The following FAHD2A variants were observed in gnomAD, a reference collection of about 807,000 sequenced individuals.
The protein encoded by FAHD2A is fumarylacetoacetate hydrolase domain containing 2A.
A neutral mutation model predicts 33.4 loss-of-function variants in FAHD2A; 27 were observed. The ratio of observed to expected loss-of-function variants is 0.81; its 90% CI spans 0.60 to 1.11. The LOEUF is 1.11. Ranked by LOEUF, FAHD2A falls within the 50% of genes most tolerant of loss-of-function variation. The pLI is 0.00. For synonymous variants in FAHD2A, 130 were observed against 153.3 expected (o/e 0.85, Z 1.12); for missense variants, 296 against 395.0 (o/e 0.75, Z 2.12).
At chr2:95,417,841 C>T (rs189989700), downstream of FAHD2A, among the ~76,000 whole-genome samples, 1 of 152,100 alleles carries the variant, frequency 6.6e-6, no homozygotes, top group African/African-American at 2.4e-5. Flanking sequence ...AGGGCTCCAT[C>T]CCCATGACCC....
rs1285230369 is a variant in FAHD2A at position 95,412,726 on chromosome 2, G to C, written c.844G>C (p.Gly282Arg). The change falls in exon 7 of 8, where the codon GGT becomes CGT. Residue 282 changes from glycine to arginine, a missense_variant. Physicochemically the swap from Gly to Arg is moderately radical, Grantham distance 125 (BLOSUM62 -2). Coordinates refer to ENST00000233379, the MANE Select transcript of FAHD2A (RefSeq NM_016044.3). ...GDVILTGTPP[G>R]VGVFRKPPVF... ...TGTCATCCTAACTGGGACCCCCCCA[G>C]GTGTCGGTGTATTCAGGAAACCTCC... 1 of 1,614,046 alleles carries C rather than the reference G, an allele frequency of 6.2e-7. No individual in the cohort carries two copies. The highest frequency in any genetic ancestry group is 8.5e-7 in the Non-Finnish European group (1 of 1,180,034).
rs893690974 is a variant in FAHD2A at position 95,413,519 on chromosome 2, G to A, written c.*562G>A. On this transcript the variant is annotated 3_prime_UTR_variant, in exon 8 of 8. Transcript: ENST00000233379. ...TGATTGTCCAGGCTGGCAAAAGTAG[G>A]GGACAGGTGGAGCCTGGGGCCTGCA... 6.2e-7 allele frequency: 1 copy of A among 1,606,508 alleles called. No homozygotes were observed. The highest frequency in any genetic ancestry group is 8.5e-7 in the Non-Finnish European group (1 of 1,177,326).
chr2:95,412,520 G>A lies in FAHD2A; in HGVS notation c.772G>A (p.Asp258Asn). Residue 258 changes from aspartate to asparagine, a missense_variant, in exon 6 of 8, where the codon GAC (aspartate) becomes AAC (asparagine). Coordinates refer to ENST00000233379, the MANE Select transcript of FAHD2A (RefSeq NM_016044.3). Reference sequence around the variant, plus strand: ...CAACCAGATGGTATTCAAGACAGAGGACCTGATAGCCTGGGTCTCCCAGTG... The same window carrying A: ...CAACCAGATGGTATTCAAGACAGAGAACCTGATAGCCTGGGTCTCCCAGTG... The part of the protein sequence containing the change: ...NTNQMVFKTE[D>N]LIAWVSQFVT... 1 of 1,613,950 alleles carries A rather than the reference G, an allele frequency of 6.2e-7. No individual in the cohort carries two copies.
rs761348041 is a variant in FAHD2A at position 95,407,196 on chromosome 2, C to T, written c.462+39C>T. ...CACTGCCCTCCCTAGTCACTGGGCC[C>T]ATCACAAGGGCATTCTGAGCTCAGT... On this transcript the variant is annotated intron_variant, in intron 3 of 7. Transcript: ENST00000233379. 2.5e-6 allele frequency: 4 copies of T among 1,610,690 alleles called. No homozygotes were observed. In the East Asian group the frequency reaches 8.9e-5, roughly 36 times the overall value.
downstream of FAHD2A, among the ~76,000 whole-genome samples, chr2:95,417,626 G>T: frequency 6.6e-6 from 1 of 152,042 alleles, no homozygotes; most frequent in Non-Finnish European, 1.5e-5. Flanking sequence ...TAGACTGGGT[G>T]GCTTAAACAA....
intron 1 of FAHD2A, 85 bp from the exon 2 acceptor site, chr2:95,405,468 T>A (rs1212665354): frequency 3.9e-6 from 6 of 1,526,460 alleles, no homozygotes; most frequent in African/African-American, 1.4e-5. Flanking sequence ...GCAAAGGGCC[T>A]CGGGCTATAG....
chr2:95,405,738 C>T lies in FAHD2A; in HGVS notation c.180C>T (p.Pro60=), dbSNP rs748028977. 3 of 1,613,800 alleles carry T rather than the reference C, an allele frequency of 1.9e-6. No individual in the cohort carries two copies. The highest frequency in any genetic ancestry group is 1.7e-5 in the Admixed American group (1 of 59,952). The change falls in exon 2 of 8, where the codon CCC becomes CCT. Residue 60 remains proline (P), a synonymous_variant. Transcript: ENST00000233379. The part of the protein sequence containing the change: ...GGVINLNAFD[P]TLPKTMTQFL... ...TTATCAACCTCAATGCCTTTGACCC[C>T]ACACTCCCGAAGACGATGACGCAGT...
intron 1 of FAHD2A, among the ~76,000 whole-genome samples, chr2:95,403,858 T>C (rs530131054): frequency 8.4e-4 from 128 of 152,372 alleles, no homozygotes; most frequent in African/African-American, 3.0e-3. Flanking sequence ...CACTTAATAG[T>C]TGGCATTCAG....
At position 95,410,586 on chromosome 2, in the gene FAHD2A, G is replaced by A; in HGVS notation, c.522G>A (p.Lys174=). Residue 174 remains lysine (K), a splice_region_variant and synonymous_variant, in exon 4 of 8, where the codon AAG becomes AAA. Coordinates refer to ENST00000233379, the MANE Select transcript of FAHD2A (RefSeq NM_016044.3). ...TTGGAAAGAAAGGCAAGCACATCAA[G>A]GTGAGGTGGAAAGGGTGGGCTCCCA... ...VVIGKKGKHI[K]ATDAMAHVAG... 1.2e-6 allele frequency: 2 copies of A among 1,613,348 alleles called. No homozygotes were observed. Among genetic ancestry groups the A allele is most frequent in the Non-Finnish European group, 1.7e-6 (2 of 1,179,702 alleles).
chr2:95,406,773 T>C (rs570080500), intron 2 of FAHD2A, among the ~76,000 whole-genome samples, 168 bp from the exon 3 acceptor site: 18 of 152,330 alleles, frequency 1.2e-4, no homozygotes, highest in Non-Finnish European at 2.5e-4. Flanking sequence ...CCTGCTCTGA[T>C]AGCAAAGGAC....
rs781354934 is a variant in FAHD2A at position 95,410,606 on chromosome 2, C to T, written c.522+20C>T. 5.6e-6 allele frequency: 9 copies of T among 1,612,784 alleles called. No individual in the cohort carries two copies. Among genetic ancestry groups the T allele is most frequent in the Non-Finnish European group, 7.6e-6 (9 of 1,179,422 alleles). The stretch of plus-strand genomic sequence containing the variant: ...ATCAAGGTGAGGTGGAAAGGGTGGG[C>T]TCCCAGTCCAGAGTGCAGCAGAGGC... On this transcript the variant is annotated intron_variant, in intron 4 of 7. Transcript: ENST00000233379.
intron 2 of FAHD2A, among the ~76,000 whole-genome samples, chr2:95,406,039 T>TGTG (rs1347426919): frequency 6.6e-6 from 1 of 151,546 alleles, no homozygotes; most frequent in African/African-American, 2.4e-5. Flanking sequence ...AGGCCATACA[T>TGTG]GTGGTGCTGG....
At chr2:95,418,411 A>G (rs1421062970), downstream of FAHD2A, among the ~76,000 whole-genome samples, 1 of 152,050 alleles carries the variant, frequency 6.6e-6, no homozygotes, top group African/African-American at 2.4e-5. Context: ...GCACTGATGC[A>G]TGAAGGTTGG....
Position 95,414,432 on chromosome 2 carries a change from C to G in FAHD2A, c.*1475C>G, listed in dbSNP as rs1385133543. On this transcript the variant is annotated 3_prime_UTR_variant, in exon 8 of 8. Transcript: ENST00000233379. ...GAAAGGTTGTGGAAGGCCTGCACCC[C>G]GTCTCAGTTCCTCCACTGCTTCGTC... 5.2e-6 allele frequency: 3 copies of G among 572,390 alleles called. No individual in the cohort carries two copies. Among genetic ancestry groups the G allele is most frequent in the Non-Finnish European group, 9.6e-6 (3 of 313,108 alleles). The allele number at this position is 572,390 out of a possible 1,614,324, so 35.5% of individuals were successfully genotyped here.
Position 95,414,113 on chromosome 2 carries a change from T to G in FAHD2A, c.*1156T>G. 2 of 1,470,328 alleles carry G rather than the reference T, an allele frequency of 1.4e-6. No homozygotes were observed. The highest frequency in any genetic ancestry group is 2.8e-5 in the African/African-American group (2 of 71,738). The allele number at this position is 1,470,328 out of a possible 1,614,324, so 91.1% of individuals were successfully genotyped here. Reference sequence around the variant, plus strand: ...TTGTTTAAAGAAGCCCAGGGAGGGATAGATCTCCGACTGGACAGAAGACTA... The same window carrying G: ...TTGTTTAAAGAAGCCCAGGGAGGGAGAGATCTCCGACTGGACAGAAGACTA... On this transcript the variant is annotated 3_prime_UTR_variant, in exon 8 of 8. Transcript: ENST00000233379.
chr2:95,409,828 C>T (rs1682185936), intron 3 of FAHD2A, among the ~76,000 whole-genome samples: 1 of 152,160 alleles, frequency 6.6e-6, no homozygotes, highest in Non-Finnish European at 1.5e-5. Flanking sequence ...TTTAGTATAT[C>T]CTAGCTTTCT....
At chr2:95,417,956 C>T (rs1409518318), downstream of FAHD2A, among the ~76,000 whole-genome samples, 1 of 152,034 alleles carries the variant, frequency 6.6e-6, no homozygotes, top group Non-Finnish European at 1.5e-5. Flanking sequence ...AACAAATACC[C>T]CTAAGTTGTC....
At chr2:95,412,652 A>T in intron 6 of FAHD2A, 25 bp from the exon 7 acceptor site, 6 of 1,613,880 alleles carry the variant, frequency 3.7e-6, no homozygotes, top group Non-Finnish European at 5.1e-6. Flanking sequence ...CCCTGGTCTC[A>T]CCGGGTCCTT....
intron 3 of FAHD2A, chr2:95,407,520 G>C (rs1681793408): frequency 4.6e-6 from 1 of 216,048 alleles, no homozygotes; most frequent in African/African-American, 2.3e-5. Context: ...TTTTACTTAA[G>C]ACTCCATCAG....
Sources: allele counts gnomAD v4.1 joint callset (sites outside exome capture counted in the v4.1 genomes callset), GRCh38; gene constraint gnomAD v4.1.1; transcripts MANE v1.5; gene names NCBI Gene and HGNC (gene_info 2026-07-23, HGNC 2026-07-21).